The following GALNT18 variants were observed in gnomAD, a reference collection of about 807,000 sequenced individuals.
The protein encoded by GALNT18 is polypeptide N-acetylgalactosaminyltransferase 18, also known as GalNAc-transferase 18.
Under a neutral mutation model 69.5 loss-of-function variants are expected in GALNT18, and 44 were observed. The ratio of observed to expected loss-of-function variants is 0.63; its 90% confidence interval spans 0.50 to 0.81. The LOEUF is 0.81. GALNT18 is among the 40% of genes least tolerant of loss of function. The pLI, the probability that GALNT18 is intolerant of heterozygous loss-of-function variation, is 0.00. For synonymous variants in GALNT18, 364 were observed against 318.2 expected, an observed-to-expected ratio of 1.14 and a Z score of -1.53; for missense variants, 715 against 810.0, an observed-to-expected ratio of 0.88 and a Z score of 1.42.
intron 2 of GALNT18, among the ~76,000 whole-genome samples, chr11:11,447,307 C>T (rs1325477975): frequency 1.3e-5 from 2 of 152,188 alleles, no homozygotes; most frequent in African/African-American, 4.8e-5. Flanking sequence ...TCTCTGACCA[C>T]GCAGGAAAAA....
At chr11:11,378,899 C>T (rs1319596691) in intron 4 of GALNT18, among the ~76,000 whole-genome samples, 182 bp downstream of exon 4, 1 of 152,226 alleles carries the variant, frequency 6.6e-6, no homozygotes, top group African/African-American at 2.4e-5. Flanking sequence ...CCCTCTACCA[C>T]ACCTCGAACC....
chr11:11,380,409 C>T (rs186547136), intron 3 of GALNT18, among the ~76,000 whole-genome samples: 138 of 152,330 alleles, frequency 9.1e-4, no homozygotes, highest in Middle Eastern at 3.4e-3. Flanking sequence ...TTGAACTTCC[C>T]TCTAATTAAG....
intron 3 of GALNT18, 114 bp from the exon 4 acceptor site, chr11:11,379,378 TCCCC>T: frequency 9.7e-7 from 1 of 1,027,594 alleles, no homozygotes; most frequent in Non-Finnish European, 1.4e-6. Context: ...GGGGACCCAT[TCCCC>T]TCCCTGGGTC....
rs115044534 is a variant in GALNT18, at chr11:11,605,903, C to G, written c.235+15456G>C. Among the ~76,000 whole-genome samples, 699 of 152,296 alleles carry G rather than the reference C, an allele frequency of 4.6e-3. 3 individuals carry two copies. Among genetic ancestry groups the G allele is most frequent in the African/African-American group, 0.016 (673 of 41,564 alleles). ...CAGTGTGGAAAGCACACTGCACACACGCTCATGCGCACACACACACACCAC... is the reference window on the plus strand; with the variant it reads ...CAGTGTGGAAAGCACACTGCACACAGGCTCATGCGCACACACACACACCAC... On this transcript the variant is annotated intron_variant, in intron 1 of 10. Transcript: ENST00000227756. The surrounding 1 kb of genome is among the most constrained non-coding windows in gnomAD (Gnocchi z 4.7).
intron 10 of GALNT18, among the ~76,000 whole-genome samples, chr11:11,280,037 G>C (rs1050024805): frequency 6.6e-6 from 1 of 152,104 alleles, no homozygotes; most frequent in African/African-American, 2.4e-5. Context: ...TGGGATTACC[G>C]ACTTCCTGTG....
At chr11:11,374,406 T>C (rs148597922) in intron 5 of GALNT18, among the ~76,000 whole-genome samples, 7 of 152,286 alleles carry the variant, frequency 4.6e-5, no homozygotes, top group African/African-American at 1.7e-4. Context: ...AAAGATGCAA[T>C]TGTGCACTAA....
rs552017260 is a variant in GALNT18 at position 11,320,444 on chromosome 11, G to T, written c.1512+6642C>A. Among the ~76,000 whole-genome samples the T allele has an allele frequency of 6.6e-6, 1 of 152,314 alleles. No individual in the cohort carries two copies. Among genetic ancestry groups the T allele is most frequent in the South Asian group, 2.1e-4 (1 of 4,820 alleles). On this transcript the variant is annotated intron_variant, in intron 9 of 10. Coordinates refer to ENST00000227756, the MANE Select transcript of GALNT18 (RefSeq NM_198516.3). This position sits in a 1 kb window ranked among gnomAD's most constrained non-coding sequence, Gnocchi z 4.9. The stretch of plus-strand genomic sequence containing the variant: ...ATGGTAACAATAAAGATCTTGCTGA[G>T]AACTGCCAGTAGGAGGGGGTGACAT...
intron 1 of GALNT18, among the ~76,000 whole-genome samples, chr11:11,483,340 C>T (rs1307880997): frequency 2.0e-5 from 3 of 152,210 alleles, no homozygotes; most frequent in Non-Finnish European, 4.4e-5. Flanking sequence ...TGCTATGACT[C>T]TGTCCTCAGT....
In GALNT18 at chr11:11,430,086, G is replaced by T. The variant is rs996522838; in HGVS notation, c.595+2535C>A. On this transcript the variant is annotated intron_variant, in intron 3 of 10. Coordinates refer to ENST00000227756, the MANE Select transcript of GALNT18 (RefSeq NM_198516.3). The surrounding 1 kb of genome is among the most constrained non-coding windows in gnomAD (Gnocchi z 4.9). ...GCCTGGGAGCCTGGGAGCTGTGATC[G>T]TGCCACTGCATTCCAGCCTGGGCAA... 6.6e-6 allele frequency among the ~76,000 whole-genome samples: 1 copy of T among 152,004 alleles called. No homozygotes were observed. The highest frequency in any genetic ancestry group is 1.5e-5 in the Non-Finnish European group (1 of 68,014).
rs1857983295 is a variant in GALNT18, at chr11:11,543,900, A to T, written c.235+77459T>A. On this transcript the variant is annotated intron_variant, in intron 1 of 10. Transcript: ENST00000227756. This position sits in a 1 kb window ranked among gnomAD's most constrained non-coding sequence, Gnocchi z 5.1. ...CCTCACACAGGAAAGGCCTTTCCTA[A>T]GTGACTTCCTCACTCCAGGCCCAAG... 6.6e-6 allele frequency among the ~76,000 whole-genome samples: 1 copy of T among 152,226 alleles called. No homozygotes were observed. Among genetic ancestry groups the T allele is most frequent in the African/African-American group, 2.4e-5 (1 of 41,460 alleles).
chr11:11,468,184 C>T (rs551034320), intron 1 of GALNT18, among the ~76,000 whole-genome samples: 1 of 152,344 alleles, frequency 6.6e-6, no homozygotes, highest in East Asian at 1.9e-4. Flanking sequence ...TTATCATTCT[C>T]CTCTGTCCCA....
Position 11,435,701 on chromosome 11 carries a change from AC to A in GALNT18, c.429-2915del, listed in dbSNP as rs1196506768. ...ACCTAACAGCTTGCTTGTTTTATCT[AC>A]GGCCTACATTTTGAGTGTCTGCCGC... On this transcript the variant is annotated intron_variant, in intron 2 of 10. Transcript: ENST00000227756. The surrounding 1 kb of genome is among the most constrained non-coding windows in gnomAD (Gnocchi z 4.4). Among the ~76,000 whole-genome samples the A allele has an allele frequency of 1.6e-4, 25 of 152,006 alleles. No individual in the cohort carries two copies. The highest frequency in any genetic ancestry group is 6.0e-4 in the African/African-American group (25 of 41,384).
chr11:11,533,521 C>T (rs1313904091), intron 1 of GALNT18, among the ~76,000 whole-genome samples: 7 of 152,212 alleles, frequency 4.6e-5, no homozygotes, highest in African/African-American at 1.4e-4. Context: ...CAGAGACAGA[C>T]ACATGTACCA....
At chr11:11,312,699 G>A (rs1373252291) in intron 9 of GALNT18, among the ~76,000 whole-genome samples, 2 of 152,186 alleles carry the variant, frequency 1.3e-5, no homozygotes, top group Non-Finnish European at 2.9e-5. Flanking sequence ...GAAAAAACAG[G>A]CTTCAGATTA....
chr11:11,322,297 T>C (rs979504157), intron 9 of GALNT18, among the ~76,000 whole-genome samples: 5 of 152,356 alleles, frequency 3.3e-5, no homozygotes, highest in Middle Eastern at 3.4e-3. Context: ...GAATCCACAC[T>C]GTAAGTATAA....
intron 1 of GALNT18, among the ~76,000 whole-genome samples, chr11:11,474,417 G>A (rs553260807): frequency 3.6e-4 from 55 of 152,342 alleles, no homozygotes; most frequent in South Asian, 1.0e-3. Context: ...GGACCTGTGA[G>A]CCTTTGTGAG....
At position 11,598,191 on chromosome 11, in the gene GALNT18, A is replaced by G. The variant is rs544947283; in HGVS notation, c.235+23168T>C. Among the ~76,000 whole-genome samples the G allele has an allele frequency of 2.0e-5, 3 of 152,146 alleles. No individual in the cohort carries two copies. In the South Asian group the frequency reaches 6.2e-4, roughly 32 times the overall value. On this transcript the variant is annotated intron_variant, in intron 1 of 10. Coordinates refer to ENST00000227756, the MANE Select transcript of GALNT18 (RefSeq NM_198516.3). The surrounding 1 kb of genome is among the most constrained non-coding windows in gnomAD (Gnocchi z 4.8). Reference sequence around the variant, plus strand: ...AATCTATAACAAATTACTATAATCTATAATAAATTACTATAATCTATAATA... The same window carrying G: ...AATCTATAACAAATTACTATAATCTGTAATAAATTACTATAATCTATAATA...
intron 6 of GALNT18, among the ~76,000 whole-genome samples, chr11:11,351,544 G>A (rs1204021582): frequency 1.3e-5 from 2 of 152,162 alleles, no homozygotes; most frequent in East Asian, 3.9e-4. Context: ...GCTAGTTCAA[G>A]TCCAGGCATA....
intron 3 of GALNT18, among the ~76,000 whole-genome samples, chr11:11,423,420 T>C (rs890734779): frequency 2.0e-5 from 3 of 152,238 alleles, no homozygotes; most frequent in Non-Finnish European, 2.9e-5. Flanking sequence ...AATAGGAAGC[T>C]GCCTCCCTCT....
Sources: gnomAD v4.1 joint callset for allele counts (sites outside exome capture counted in the v4.1 genomes callset) on GRCh38, gnomAD v4.1.1 for gene constraint, Gnocchi (gnomAD v3.1) non-coding constraint, MANE v1.5 for transcripts, NCBI Gene and HGNC (gene_info 2026-07-23, HGNC 2026-07-21) for gene names.